Variants in RIMS1 observed in about 807,000 individuals in gnomAD.
RIMS1 encodes regulating synaptic membrane exocytosis 1.
RIMS1 carries 83 observed loss-of-function variants against 214.1 expected under a neutral mutation model. The observed-to-expected ratio is 0.39, with a 90% CI of 0.32 to 0.47. The LOEUF is 0.47. Ranked by LOEUF, RIMS1 falls within the 20% of genes least tolerant of loss-of-function variation. The pLI is 0.99. For missense variants in RIMS1, 2,050 were observed against 2,161.8 expected (o/e 0.95, Z 1.03); for synonymous variants, 793 against 786.8 (o/e 1.01, Z -0.13).
intron 29 of RIMS1, among the ~76,000 whole-genome samples, chr6:72,334,395 T>A (rs2096772200): frequency 6.6e-6 from 1 of 151,890 alleles, no homozygotes; most frequent in South Asian, 2.1e-4. Context: ...TACAAATATG[T>A]GTTTCAGATA....
intron 24 of RIMS1, among the ~76,000 whole-genome samples, chr6:72,284,962 G>T (rs572703523): frequency 2.6e-5 from 4 of 152,302 alleles, no homozygotes; most frequent in East Asian, 3.9e-4. Context: ...GTGAAGAGTG[G>T]AGTATTCTGA....
intron 2 of RIMS1, among the ~76,000 whole-genome samples, chr6:72,018,950 T>G (rs926549696): frequency 6.6e-6 from 1 of 152,178 alleles, no homozygotes; most frequent in African/African-American, 2.4e-5. Flanking sequence ...ATCATAGCCA[T>G]TAGGGAAGAA....
chr6:72,308,878 T>A (rs558042560), intron 27 of RIMS1, among the ~76,000 whole-genome samples: 1 of 152,222 alleles, frequency 6.6e-6, no homozygotes, highest in Non-Finnish European at 1.5e-5. Flanking sequence ...AGCCTACTTA[T>A]CTGTCTTCAT....
chr6:72,078,224 G>A (rs1256903669), intron 2 of RIMS1, among the ~76,000 whole-genome samples: 2 of 152,180 alleles, frequency 1.3e-5, no homozygotes, highest in African/African-American at 4.8e-5. Flanking sequence ...ACTATAGAAA[G>A]GTGAGCAGCA....
intron 2 of RIMS1, among the ~76,000 whole-genome samples, chr6:71,974,343 G>T (rs1796629248): frequency 6.6e-6 from 1 of 152,084 alleles, no homozygotes; most frequent in Non-Finnish European, 1.5e-5. Flanking sequence ...GAGGGAGAAA[G>T]ATCAGAGGCA....
intron 1 of RIMS1, among the ~76,000 whole-genome samples, chr6:71,924,668 A>C (rs1781050245): frequency 1.3e-5 from 2 of 150,326 alleles, no homozygotes; most frequent in African/African-American, 4.9e-5. Flanking sequence ...TTAGCTGAGT[A>C]TGGTGGTGTG....
At chr6:71,949,093 G>A (rs1788692746) in intron 1 of RIMS1, among the ~76,000 whole-genome samples, 1 of 152,132 alleles carries the variant, frequency 6.6e-6, no homozygotes, top group Non-Finnish European at 1.5e-5. Flanking sequence ...CCTTTTTGTA[G>A]TATGAGAATT....
intron 1 of RIMS1, among the ~76,000 whole-genome samples, chr6:71,926,876 C>T (rs1350502606): frequency 8.6e-5 from 13 of 151,786 alleles, no homozygotes; most frequent in Admixed American, 2.0e-4. Context: ...AGGCATTGTG[C>T]GGGGTGTAGA....
intron 1 of RIMS1, among the ~76,000 whole-genome samples, chr6:71,946,055 C>T (rs565062238): frequency 2.9e-5 from 2 of 69,780 alleles, no homozygotes; most frequent in South Asian, 3.9e-4. Context: ...GAAAATAATC[C>T]GATCTACACT....
chr6:72,131,214 T>C (rs552662911), intron 4 of RIMS1, among the ~76,000 whole-genome samples: 46 of 152,298 alleles, frequency 3.0e-4, no homozygotes, highest in African/African-American at 1.1e-3. Context: ...ATACTGAGCA[T>C]AGTGGAAAGT....
At chr6:72,020,819 C>T (rs1212845022) in intron 2 of RIMS1, among the ~76,000 whole-genome samples, 1 of 152,100 alleles carries the variant, frequency 6.6e-6, no homozygotes, top group Admixed American at 6.6e-5. Context: ...AAGTAAGATG[C>T]CCAGACTCCA....
intron 29 of RIMS1, among the ~76,000 whole-genome samples, chr6:72,368,485 G>T (rs947947474): frequency 2.0e-5 from 3 of 150,858 alleles, no homozygotes; most frequent in Non-Finnish European, 4.4e-5. Flanking sequence ...TAGTAGAGAA[G>T]GGATTTCACC....
At chr6:72,193,229 G>T (rs1364896606) in intron 6 of RIMS1, among the ~76,000 whole-genome samples, 1 of 152,118 alleles carries the variant, frequency 6.6e-6, no homozygotes, top group African/African-American at 2.4e-5. Context: ...TCCCCTCCTT[G>T]GGAATTTATC....
At chr6:71,893,152 G>A (rs549002882) in intron 1 of RIMS1, among the ~76,000 whole-genome samples, 3 of 152,262 alleles carry the variant, frequency 2.0e-5, no homozygotes, top group South Asian at 2.1e-4. Flanking sequence ...AAGGTACTAG[G>A]GGGCTTGGGA....
intron 1 of RIMS1, among the ~76,000 whole-genome samples, chr6:71,936,216 A>G (rs952910646): frequency 6.7e-6 from 1 of 149,498 alleles, no homozygotes; most frequent in East Asian, 2.0e-4. Flanking sequence ...AGTCCCAGCT[A>G]CTCGGGAGGC....
intron 2 of RIMS1, among the ~76,000 whole-genome samples, chr6:72,018,019 A>G (rs1731590020): frequency 6.6e-6 from 1 of 152,188 alleles, no homozygotes; most frequent in Admixed American, 6.5e-5. Context: ...TGTGTGAAGT[A>G]GGGAGACACT....
At chr6:72,005,157 C>G (rs540209951) in intron 2 of RIMS1, among the ~76,000 whole-genome samples, 7 of 152,246 alleles carry the variant, frequency 4.6e-5, no homozygotes, top group Admixed American at 6.5e-5. Context: ...TTTTTCTCAG[C>G]TGTGTCAAAG....
chr6:72,157,699 G>A (rs1009460541), intron 4 of RIMS1, among the ~76,000 whole-genome samples: 1 of 139,852 alleles, frequency 7.2e-6, no homozygotes, highest in African/African-American at 2.5e-5. Context: ...CAAATCATTG[G>A]CTTAGGTTGT....
At chr6:72,154,472 G>C (rs1343305505) in intron 4 of RIMS1, among the ~76,000 whole-genome samples, 2 of 140,830 alleles carry the variant, frequency 1.4e-5, no homozygotes, top group African/African-American at 4.9e-5. Context: ...CTAATGTAAA[G>C]GCAAAAATAC....
Sources: allele counts gnomAD v4.1 joint callset (sites outside exome capture counted in the v4.1 genomes callset), GRCh38; gene constraint gnomAD v4.1.1; transcripts MANE v1.5; gene names NCBI Gene and HGNC (gene_info 2026-07-23, HGNC 2026-07-21).